HDAC4: variants seen among roughly 807,000 people sequenced by gnomAD.
The protein encoded by HDAC4 is histone deacetylase 4, also known as histone deacetylase A.
A neutral mutation model predicts 135.1 loss-of-function variants in HDAC4; 16 were observed. The observed-to-expected ratio is 0.12, with a 90% CI of 0.08 to 0.18. HDAC4 has a LOEUF of 0.18. HDAC4 is among the 10% of genes least tolerant of loss of function. The pLI is 1.00. For missense variants in HDAC4, 1,143 were observed against 1,511.8 expected, an observed-to-expected ratio of 0.76 and a Z score of 4.05; for synonymous variants, 685 against 653.4, an observed-to-expected ratio of 1.05 and a Z score of -0.74.
chr2:239,080,592 C>T (rs991751724), intron 22 of HDAC4, among the ~76,000 whole-genome samples: 9 of 158 alleles, frequency 0.057, no homozygotes, highest in African/African-American at 0.21. Flanking sequence ...CGTCTTTAAA[C>T]GGCGCGCCCT....
intron 1 of HDAC4, among the ~76,000 whole-genome samples, chr2:239,383,617 C>T (rs994293650): frequency 1.3e-5 from 2 of 152,096 alleles, no homozygotes; most frequent in Non-Finnish European, 2.9e-5. Flanking sequence ...AAAGAGCGCC[C>T]GATCAATCCA....
At chr2:239,097,142 G>A (rs3791383) in intron 16 of HDAC4, among the ~76,000 whole-genome samples, 44,575 of 152,260 alleles carry the variant, frequency 0.29, 6,744 homozygotes, top group Non-Finnish European at 0.33. Flanking sequence ...GAGCCAGCCT[G>A]TGTCGGAGGG....
rs1559456270 is a variant in HDAC4, at chr2:239,115,191, C to A, written c.1653G>T (p.Gly551=). The A allele has an allele frequency of 6.2e-7, 1 of 1,611,080 alleles. No homozygotes were observed. Among genetic ancestry groups the A allele is most frequent in the Non-Finnish European group, 8.5e-7 (1 of 1,179,912 alleles). ...CGGCCTGTGCGTGCGCCTCCTTCTG[C>A]CCCGGCAGCCGGTCCAGGTAGGGCT... ...LDEPYLDRLP[G]QKEAHAQAGV... The change falls in exon 13 of 27, where the codon GGG becomes GGT. Residue 551 remains glycine, a synonymous_variant. Coordinates refer to ENST00000543185, the MANE Select transcript of HDAC4 (RefSeq NM_001378414.1). The surrounding 1 kb of genome is among the most constrained non-coding windows in gnomAD (Gnocchi z 6.3).
chr2:239,276,560 TG>T (rs1475068602), intron 2 of HDAC4, among the ~76,000 whole-genome samples: 1 of 152,210 alleles, frequency 6.6e-6, no homozygotes, highest in African/African-American at 2.4e-5. Context: ...TCCCTCTAGC[TG>T]GAGATGAGAC....
At chr2:239,189,086 GT>G (rs1429802628) in intron 4 of HDAC4, among the ~76,000 whole-genome samples, 1 of 152,192 alleles carries the variant, frequency 6.6e-6, no homozygotes, top group Non-Finnish European at 1.5e-5. Context: ...ACTTAGTCTG[GT>G]TTTGTGGGAT....
intron 6 of HDAC4, among the ~76,000 whole-genome samples, chr2:239,162,763 G>A (rs996599654): frequency 6.6e-6 from 1 of 152,200 alleles, no homozygotes; most frequent in Non-Finnish European, 1.5e-5. Flanking sequence ...AGTGGAGGAC[G>A]TGGGCCACCT....
At chr2:239,312,693 C>T (rs573353154) in intron 2 of HDAC4, among the ~76,000 whole-genome samples, 8 of 152,316 alleles carry the variant, frequency 5.3e-5, no homozygotes, top group East Asian at 1.9e-4. Context: ...TTTCTTCCAG[C>T]GTGTCCCATG....
At chr2:239,298,192 G>A in intron 2 of HDAC4, 1 of 1,288,614 alleles carries the variant, frequency 7.8e-7, no homozygotes, top group Non-Finnish European at 1.0e-6. Flanking sequence ...GCAAGCTCAG[G>A]GAACAGCAGA....
chr2:239,238,261 A>C (rs2047998700), intron 2 of HDAC4, among the ~76,000 whole-genome samples: 1 of 152,196 alleles, frequency 6.6e-6, no homozygotes, highest in Non-Finnish European at 1.5e-5. Flanking sequence ...ATAAATGCTC[A>C]TTGTAGACAA....
chr2:239,166,110 T>TG (rs1234756844), intron 5 of HDAC4, among the ~76,000 whole-genome samples: 1 of 152,160 alleles, frequency 6.6e-6, no homozygotes, highest in Non-Finnish European at 1.5e-5. Context: ...CACTCACAAA[T>TG]GGAGTTTTTG....
intron 2 of HDAC4, among the ~76,000 whole-genome samples, chr2:239,350,751 C>T (rs1416560286): frequency 1.3e-5 from 2 of 152,144 alleles, no homozygotes; most frequent in Non-Finnish European, 2.9e-5. Flanking sequence ...ATCTGCCCAC[C>T]CTGACCTTCC....
Position 239,167,372 on chromosome 2 carries a change from C to T in HDAC4, c.491-3449G>A, listed in dbSNP as rs558568476. Among the ~76,000 whole-genome samples the T allele has an allele frequency of 6.6e-6, 1 of 152,322 alleles. No homozygotes were observed. Among genetic ancestry groups the T allele is most frequent in the East Asian group, 1.9e-4 (1 of 5,170 alleles). On this transcript the variant is annotated intron_variant, in intron 5 of 26. Transcript: ENST00000543185. This position sits in a 1 kb window ranked among gnomAD's most constrained non-coding sequence, Gnocchi z 4.1. ...CACAAGCCTGGGTCCTGCCTGGCTC[C>T]CTCTATGCAGGGCTGGGTGCTGGGC...
At chr2:239,276,848 G>C (rs1421358813) in intron 2 of HDAC4, among the ~76,000 whole-genome samples, 2 of 152,220 alleles carry the variant, frequency 1.3e-5, no homozygotes, top group Admixed American at 6.5e-5. Flanking sequence ...ACCACCAAGT[G>C]ATCAGGTCTG....
chr2:239,117,792 C>A lies in HDAC4; in HGVS notation c.1534-2482G>T, dbSNP rs571573427. ...CGGCCTGAAGGGCAGATTCGAGGGA[C>A]GGTGGGACAAGCCGAGTTCCTGGCA... is the stretch of plus-strand genomic sequence containing the variant. On this transcript the variant is annotated intron_variant, in intron 12 of 26. Coordinates refer to ENST00000543185, the MANE Select transcript of HDAC4 (RefSeq NM_001378414.1). Among the ~76,000 whole-genome samples, 86 of 152,196 alleles carry A rather than the reference C, an allele frequency of 5.7e-4. 1 individual carries two copies. Among genetic ancestry groups the A allele is most frequent in the African/African-American group, 2.0e-3 (83 of 41,532 alleles).
intron 2 of HDAC4, among the ~76,000 whole-genome samples, chr2:239,341,718 T>A (rs546150630): frequency 6.6e-6 from 1 of 152,248 alleles, no homozygotes; most frequent in Non-Finnish European, 1.5e-5. Flanking sequence ...TAAAAAGGAA[T>A]ACCTTTGGCT....
At chr2:239,152,200 A>G (rs1442802695) in intron 7 of HDAC4, among the ~76,000 whole-genome samples, 2 of 152,262 alleles carry the variant, frequency 1.3e-5, no homozygotes, top group Non-Finnish European at 2.9e-5. Flanking sequence ...CAGCGTGAAC[A>G]TGGACTCAAA....
intron 2 of HDAC4, among the ~76,000 whole-genome samples, chr2:239,319,169 A>T (rs2053225265): frequency 6.6e-6 from 1 of 152,250 alleles, no homozygotes; most frequent in South Asian, 2.1e-4. Flanking sequence ...AGTAAGAGCA[A>T]AAAACCAGAA....
intron 2 of HDAC4, among the ~76,000 whole-genome samples, chr2:239,335,108 G>A (rs1691844571): frequency 6.6e-6 from 1 of 151,726 alleles, no homozygotes; most frequent in Non-Finnish European, 1.5e-5. Context: ...TTAAAAAGTT[G>A]GAAGACCTAC....
chr2:239,127,214 T>C (rs977182656), intron 11 of HDAC4, among the ~76,000 whole-genome samples: 2 of 152,210 alleles, frequency 1.3e-5, no homozygotes, highest in Admixed American at 6.5e-5. Context: ...GAGCACTGAT[T>C]TTATGCACAA....
Sources: gnomAD v4.1 joint callset for allele counts (sites outside exome capture counted in the v4.1 genomes callset) on GRCh38, gnomAD v4.1.1 for gene constraint, Gnocchi (gnomAD v3.1) non-coding constraint, MANE v1.5 for transcripts, NCBI Gene and HGNC (gene_info 2026-07-23, HGNC 2026-07-21) for gene names.